Variants in SMYD3 observed in about 807,000 individuals in gnomAD.
The protein encoded by SMYD3 is histone-lysine N-methyltransferase SMYD3.
A neutral mutation model predicts 57.7 loss-of-function variants in SMYD3; 36 were observed. The ratio of observed to expected loss-of-function variants is 0.62; its 90% CI spans 0.48 to 0.82. The LOEUF is 0.82. SMYD3 is among the 40% of genes least tolerant of loss of function. The pLI, the probability that SMYD3 is intolerant of heterozygous loss-of-function variation, is 0.00. For synonymous variants in SMYD3, 211 were observed against 195.0 expected (o/e 1.08, Z -0.68); for missense variants, 515 against 538.8 (o/e 0.96, Z 0.44).
intron 10 of SMYD3, among the ~76,000 whole-genome samples, chr1:245,766,814 G>A (rs568507463): frequency 5.8e-4 from 88 of 152,300 alleles, no homozygotes; most frequent in Middle Eastern, 3.4e-3. Flanking sequence ...CAGAGAAAGC[G>A]GTGTGTCATT....
At chr1:245,830,727 T>A (rs1197435791) in intron 10 of SMYD3, among the ~76,000 whole-genome samples, 3 of 152,178 alleles carry the variant, frequency 2.0e-5, no homozygotes, top group African/African-American at 7.2e-5. Flanking sequence ...ACCCACCCAC[T>A]AATAAGATTT....
chr1:246,131,918 T>C (rs893819067), intron 5 of SMYD3, among the ~76,000 whole-genome samples: 5 of 150,496 alleles, frequency 3.3e-5, no homozygotes, highest in African/African-American at 1.2e-4. Flanking sequence ...AATGTTTAAA[T>C]GAGAAATTCT....
chr1:246,140,016 T>C (rs1442062631), intron 5 of SMYD3, among the ~76,000 whole-genome samples: 1 of 152,220 alleles, frequency 6.6e-6, no homozygotes, highest in Non-Finnish European at 1.5e-5. Flanking sequence ...CATCATGTAT[T>C]GGTTGATCGA....
intron 1 of SMYD3, among the ~76,000 whole-genome samples, chr1:246,386,830 C>T (rs1262625409): frequency 6.6e-6 from 1 of 151,916 alleles, no homozygotes; most frequent in Admixed American, 6.6e-5. Flanking sequence ...TGATGTGAAT[C>T]CTGTTATACA....
chr1:246,217,119 G>A (rs999906564), intron 5 of SMYD3, among the ~76,000 whole-genome samples: 3 of 151,208 alleles, frequency 2.0e-5, no homozygotes, highest in Non-Finnish European at 2.9e-5. Context: ...ATCTAACCAA[G>A]CTTGTAGCCT....
intron 10 of SMYD3, 24 bp downstream of exon 10, chr1:245,858,472 G>A (rs774839547): frequency 1.2e-6 from 2 of 1,604,928 alleles, no homozygotes; most frequent in South Asian, 2.2e-5. Context: ...TAGCCCTTAT[G>A]TCAGCCCTCT....
intron 10 of SMYD3, among the ~76,000 whole-genome samples, chr1:245,804,741 C>T (rs552721255): frequency 6.6e-6 from 1 of 152,230 alleles, no homozygotes; most frequent in African/African-American, 2.4e-5. Flanking sequence ...CGTGAGGACA[C>T]AGAGTTCATC....
chr1:245,807,825 A>C (rs943947777), intron 10 of SMYD3, among the ~76,000 whole-genome samples: 5 of 151,156 alleles, frequency 3.3e-5, no homozygotes, highest in Non-Finnish European at 7.4e-5. Context: ...AAAAAAAAAA[A>C]AACAAAAAAC....
intron 5 of SMYD3, among the ~76,000 whole-genome samples, chr1:245,990,665 A>G (rs2058795363): frequency 6.6e-6 from 1 of 152,224 alleles, no homozygotes; most frequent in Admixed American, 6.5e-5. Flanking sequence ...ATCAGGAGCC[A>G]AGAAATAAGA....
chr1:245,822,853 T>G (rs2049252695), intron 10 of SMYD3, among the ~76,000 whole-genome samples: 2 of 152,294 alleles, frequency 1.3e-5, no homozygotes, highest in South Asian at 4.1e-4. Context: ...AAAATCTTCC[T>G]AGGAAAGACT....
chr1:245,764,384 G>A (rs1446617264), intron 10 of SMYD3, among the ~76,000 whole-genome samples: 1 of 151,864 alleles, frequency 6.6e-6, no homozygotes, highest in African/African-American at 2.4e-5. Flanking sequence ...AGGACTAGAA[G>A]GTCTCCCTCA....
intron 5 of SMYD3, among the ~76,000 whole-genome samples, chr1:246,235,840 G>A (rs1198682739): frequency 6.6e-6 from 1 of 152,154 alleles, no homozygotes; most frequent in Admixed American, 6.5e-5. Flanking sequence ...GAGCCACTGA[G>A]TGGCTACTGG....
intron 5 of SMYD3, among the ~76,000 whole-genome samples, chr1:245,937,387 A>T (rs1460031188): frequency 6.6e-6 from 1 of 152,248 alleles, no homozygotes; most frequent in Non-Finnish European, 1.5e-5. Context: ...TACTCACAAC[A>T]GAACTTATAA....
intron 1 of SMYD3, among the ~76,000 whole-genome samples, chr1:246,460,775 G>A (rs2067785993): frequency 6.6e-6 from 1 of 152,304 alleles, no homozygotes. Flanking sequence ...TAAACATTCC[G>A]TCTTGTTTAT....
chr1:246,473,283 T>C (rs1009971265), intron 1 of SMYD3, among the ~76,000 whole-genome samples: 3 of 152,326 alleles, frequency 2.0e-5, no homozygotes, highest in East Asian at 3.9e-4. Flanking sequence ...TGGAGATAAA[T>C]AGCACTTCAG....
intron 8 of SMYD3, among the ~76,000 whole-genome samples, chr1:245,867,668 GCA>G (rs376309765): frequency 0.019 from 2,906 of 149,054 alleles, 90 homozygotes; most frequent in African/African-American, 0.067. Flanking sequence ...GCGTGCGCGC[GCA>G]CACACACACA....
chr1:246,033,053 T>C (rs945263281), intron 5 of SMYD3, among the ~76,000 whole-genome samples: 2 of 152,180 alleles, frequency 1.3e-5, no homozygotes, highest in African/African-American at 4.8e-5. Flanking sequence ...TTCCTGAGCA[T>C]TTATCCCAAA....
intron 10 of SMYD3, among the ~76,000 whole-genome samples, chr1:245,806,391 T>C (rs2048145052): frequency 6.6e-6 from 1 of 152,222 alleles, no homozygotes; most frequent in African/African-American, 2.4e-5. Context: ...AGGTAGGTAC[T>C]GTAAATAAAT....
chr1:246,495,790 T>TAA (rs1020241279), intron 1 of SMYD3, among the ~76,000 whole-genome samples: 1 of 139,686 alleles, frequency 7.2e-6, no homozygotes, highest in Admixed American at 7.1e-5. Flanking sequence ...AAATACCAAA[T>TAA]AAAAAAAAAA....
Sources: gnomAD v4.1 joint callset for allele counts (sites outside exome capture counted in the v4.1 genomes callset) on GRCh38, gnomAD v4.1.1 for gene constraint, MANE v1.5 for transcripts, NCBI Gene and HGNC (gene_info 2026-07-23, HGNC 2026-07-21) for gene names.